The following FHIT variants were observed in gnomAD, a reference collection of about 807,000 sequenced individuals.
FHIT encodes fragile histidine triad diadenosine triphosphatase, also known as bis(5'-adenosyl)-triphosphatase.
In FHIT, 19 loss-of-function variants were observed where a neutral mutation model predicts 17.9. The observed-to-expected ratio is 1.06, with a 90% CI of 0.74 to 1.56. The LOEUF (loss-of-function observed/expected upper bound fraction) is 1.56. Among genes scored for constraint, FHIT ranks in the 40% most tolerant of loss-of-function variants. FHIT has a pLI of 0.00. For synonymous variants in FHIT, 81 were observed against 69.7 expected (o/e 1.16, Z -0.81); for missense variants, 248 against 189.2 (o/e 1.31, Z -1.82).
chr3:60,859,988 G>A (rs1442520417), intron 3 of FHIT, among the ~76,000 whole-genome samples: 3 of 124,578 alleles, frequency 2.4e-5, no homozygotes, highest in South Asian at 2.4e-4. Flanking sequence ...AGGTTCCAGT[G>A]AGCCGAGATT....
chr3:60,953,500 C>G (rs1553777843), intron 3 of FHIT, among the ~76,000 whole-genome samples: 4 of 152,078 alleles, frequency 2.6e-5, no homozygotes, highest in Non-Finnish European at 1.5e-5. Context: ...AGGGAAAAAT[C>G]ACACATTAAA....
chr3:60,149,779 C>CT (rs917498780), intron 5 of FHIT, among the ~76,000 whole-genome samples: 5 of 150,000 alleles, frequency 3.3e-5, no homozygotes, highest in African/African-American at 4.9e-5. Flanking sequence ...CCCTATGCCC[C>CT]TACCCCCCTA....
intron 5 of FHIT, among the ~76,000 whole-genome samples, chr3:60,308,293 A>T (rs929750896): frequency 5.9e-5 from 9 of 152,040 alleles, no homozygotes; most frequent in Admixed American, 4.6e-4. Flanking sequence ...CAAACTTGGA[A>T]AGAGGCGATT....
intron 5 of FHIT, among the ~76,000 whole-genome samples, chr3:60,204,310 C>T (rs557644545): frequency 1.3e-5 from 2 of 152,244 alleles, no homozygotes; most frequent in South Asian, 4.1e-4. Flanking sequence ...CAGTCTGTCA[C>T]CCAGGCTGGA....
At chr3:60,544,964 A>T in intron 4 of FHIT, among the ~76,000 whole-genome samples, 1 of 152,148 alleles carries the variant, frequency 6.6e-6, no homozygotes, top group East Asian at 1.9e-4. Context: ...TTCCAAAGAG[A>T]GTTTATTAAA....
intron 4 of FHIT, among the ~76,000 whole-genome samples, chr3:60,543,824 A>G (rs955997995): frequency 6.7e-6 from 1 of 148,448 alleles, no homozygotes; most frequent in African/African-American, 2.5e-5. Context: ...GGCTCACTGT[A>G]AGCTCCGCTT....
chr3:60,416,702 A>T (rs1702259288), intron 5 of FHIT, among the ~76,000 whole-genome samples: 1 of 152,188 alleles, frequency 6.6e-6, no homozygotes, highest in Admixed American at 6.5e-5. Context: ...TTGGCTTAGC[A>T]GCTAGCTGTA....
intron 4 of FHIT, among the ~76,000 whole-genome samples, chr3:60,744,268 C>CAAAAAAAAAAAAAAAAAAAAAAA (rs374691493): frequency 7.5e-5 from 6 of 80,078 alleles, no homozygotes; most frequent in Admixed American, 1.4e-4. Flanking sequence ...CAAAACAAAA[C>CAAAAAAAAAAAAAAAAAAAAAAA]AAAAAAAAAA....
intron 4 of FHIT, among the ~76,000 whole-genome samples, chr3:60,549,894 T>G (rs918426352): frequency 6.6e-6 from 1 of 152,178 alleles, no homozygotes; most frequent in Non-Finnish European, 1.5e-5. Context: ...AAAAATAATC[T>G]GCTATTTTTA....
At chr3:61,214,193 C>T (rs2039590523) in intron 1 of FHIT, among the ~76,000 whole-genome samples, 1 of 152,056 alleles carries the variant, frequency 6.6e-6, no homozygotes, top group Non-Finnish European at 1.5e-5. Flanking sequence ...ACAAAAAACC[C>T]TTCAAAAAAT....
chr3:59,903,515 T>G (rs1480933890), intron 8 of FHIT, among the ~76,000 whole-genome samples: 1 of 152,176 alleles, frequency 6.6e-6, no homozygotes, highest in Non-Finnish European at 1.5e-5. Context: ...ATAAAAATGG[T>G]CACTACGGTT....
intron 8 of FHIT, among the ~76,000 whole-genome samples, chr3:59,833,554 G>A (rs1701238110): frequency 6.6e-6 from 1 of 152,100 alleles, no homozygotes. Flanking sequence ...CCAGAACTAT[G>A]AAACAATAAA....
In FHIT at chr3:61,220,577, A is replaced by G. The variant is rs553574952; in HGVS notation, c.-212-19912T>C. On this transcript the variant is annotated intron_variant, in intron 1 of 9. Coordinates refer to ENST00000492590, the MANE Select transcript of FHIT (RefSeq NM_002012.4). ...TTGTTATTTACCTGGGGAGCTAATC[A>G]ATATTGTTAAAATGTAGGTGAAAGT... 2.6e-5 allele frequency among the ~76,000 whole-genome samples: 4 copies of G among 152,324 alleles called. No individual in the cohort carries two copies. The East Asian group carries it at 7.7e-4, about 29-fold the overall frequency.
chr3:60,606,352 T>C (rs898110000), intron 4 of FHIT, among the ~76,000 whole-genome samples: 8 of 151,838 alleles, frequency 5.3e-5, no homozygotes, highest in South Asian at 2.1e-4. Flanking sequence ...GTGATTCTCA[T>C]GCCTCAGCCT....
At chr3:60,608,803 G>C (rs2038690749) in intron 4 of FHIT, among the ~76,000 whole-genome samples, 2 of 152,098 alleles carry the variant, frequency 1.3e-5, no homozygotes, top group African/African-American at 4.8e-5. Context: ...TAAAGAGAGA[G>C]ACCTAGTCAT....
chr3:60,774,956 A>G (rs1411547364), intron 4 of FHIT, among the ~76,000 whole-genome samples: 6 of 152,216 alleles, frequency 3.9e-5, no homozygotes, highest in African/African-American at 1.4e-4. Context: ...AGTTGACCAC[A>G]GGTAACTAAA....
chr3:60,499,520 TAGCTGGG>T (rs2034436748), intron 5 of FHIT, among the ~76,000 whole-genome samples: 1 of 152,056 alleles, frequency 6.6e-6, no homozygotes, highest in African/African-American at 2.4e-5. Flanking sequence ...GCCTCCCGAG[TAGCTGGG>T]ACTATAAGTG....
At chr3:60,571,335 C>CAATAAAAAAAAAA (rs750168873) in intron 4 of FHIT, among the ~76,000 whole-genome samples, 1 of 54,676 alleles carries the variant, frequency 1.8e-5, no homozygotes, top group Non-Finnish European at 3.2e-5. Context: ...GACTCCATCG[C>CAATAAAAAAAAAA]AAAAAAAAAA....
intron 7 of FHIT, among the ~76,000 whole-genome samples, chr3:59,959,466 G>A (rs974410574): frequency 1.3e-5 from 2 of 152,154 alleles, no homozygotes; most frequent in Non-Finnish European, 2.9e-5. Context: ...TGTTCTTAAT[G>A]ATTTAGGATA....
Sources: allele counts gnomAD v4.1 joint callset (sites outside exome capture counted in the v4.1 genomes callset), GRCh38; gene constraint gnomAD v4.1.1; transcripts MANE v1.5; gene names NCBI Gene and HGNC (gene_info 2026-07-23, HGNC 2026-07-21).